Variants in C12orf56 observed in about 807,000 individuals in gnomAD.
C12orf56 encodes chromosome 12 open reading frame 56.
A neutral mutation model predicts 69.9 loss-of-function variants in C12orf56; 71 were observed. The observed-to-expected ratio is 1.02, with a 90% CI of 0.84 to 1.24. C12orf56 has a LOEUF of 1.24. C12orf56 is among the 50% of genes most tolerant of loss of function. The pLI, the probability that C12orf56 is intolerant of heterozygous loss-of-function variation, is 0.00. For missense variants in C12orf56, 732 were observed against 738.5 expected (o/e 0.99, Z 0.10); for synonymous variants, 276 against 274.1 (o/e 1.01, Z -0.07).
intron 2 of C12orf56, among the ~76,000 whole-genome samples, chr12:64,342,737 T>G (rs1255556448): frequency 3.9e-5 from 6 of 152,166 alleles, no homozygotes; most frequent in African/African-American, 1.4e-4. Context: ...AAACGTTCAG[T>G]TTCCACCAAA....
At chr12:64,293,506 A>G (rs1197404700) in intron 6 of C12orf56, 1 of 152,212 alleles carries the variant, frequency 6.6e-6, no homozygotes, top group East Asian at 1.9e-4. Context: ...TTTGTCTTTC[A>G]AATGGGTTAA....
At chr12:64,345,449 G>A (rs1252482829) in intron 2 of C12orf56, among the ~76,000 whole-genome samples, 1 of 152,204 alleles carries the variant, frequency 6.6e-6, no homozygotes, top group Non-Finnish European at 1.5e-5. Flanking sequence ...TACAAACTCA[G>A]TGTCCCCAAC....
chr12:64,284,022 C>T (rs569876911), intron 8 of C12orf56, among the ~76,000 whole-genome samples: 218 of 151,868 alleles, frequency 1.4e-3, no homozygotes, highest in African/African-American at 5.0e-3. Flanking sequence ...CTCAGCCTCC[C>T]GAGTAGCTGG....
chr12:64,310,244 C>T (rs2038589573), intron 5 of C12orf56, among the ~76,000 whole-genome samples: 1 of 151,496 alleles, frequency 6.6e-6, no homozygotes, highest in Non-Finnish European at 1.5e-5. Flanking sequence ...TGGGCTCAAG[C>T]GATCCTCCCA....
At chr12:64,350,040 C>T (rs1291163042) in intron 2 of C12orf56, among the ~76,000 whole-genome samples, 2 of 148,056 alleles carry the variant, frequency 1.4e-5, no homozygotes, top group African/African-American at 5.0e-5. Context: ...TGCAGTGAGC[C>T]AAGATCATGC....
rs1162821075 is a variant in C12orf56 at position 64,390,509 on chromosome 12, C to T, written c.57G>A (p.Val19=). Residue 19 remains valine, a synonymous_variant, in exon 1 of 13, where the codon GTG becomes GTA. Coordinates refer to ENST00000543942, the MANE Select transcript of C12orf56 (RefSeq NM_001170633.2). ...CGGGCGGCAGATGCCGCCGCAGGAA[C>T]ACATCCAGGCGGCTGTTCCTGCGCG... ...FPARRNSRLD[V]FLRRHLPPEV... The T allele has an allele frequency of 6.3e-7, 1 of 1,599,936 alleles. No homozygotes were observed. Among genetic ancestry groups the T allele is most frequent in the Non-Finnish European group, 8.5e-7 (1 of 1,179,232 alleles).
intron 1 of C12orf56, among the ~76,000 whole-genome samples, chr12:64,370,373 G>A (rs867117671): frequency 7.5e-4 from 114 of 151,348 alleles, no homozygotes; most frequent in African/African-American, 2.5e-3. Context: ...AAGATAGGCC[G>A]GTTGCGGTGA....
chr12:64,312,535 G>A, intron 5 of C12orf56, 144 bp downstream of exon 5: 1 of 571,332 alleles, frequency 1.8e-6, no homozygotes, highest in Non-Finnish European at 3.1e-6. Flanking sequence ...CTTGAGCCCA[G>A]GAGGTAGAGG....
chr12:64,304,157 T>C (rs1184444032), intron 5 of C12orf56, among the ~76,000 whole-genome samples: 2 of 152,184 alleles, frequency 1.3e-5, no homozygotes, highest in Admixed American at 1.3e-4. Context: ...TGTGTCACTT[T>C]CCAGGGAAAA....
chr12:64,311,708 T>A (rs144789834), intron 5 of C12orf56, among the ~76,000 whole-genome samples: 135 of 152,248 alleles, frequency 8.9e-4, no homozygotes, highest in African/African-American at 3.2e-3. Context: ...ACACAATGCT[T>A]GAGGAAAGAA....
At chr12:64,364,170 G>A (rs1219623063) in intron 1 of C12orf56, among the ~76,000 whole-genome samples, 2 of 151,984 alleles carry the variant, frequency 1.3e-5, no homozygotes, top group South Asian at 2.1e-4. Context: ...AAAATTAGGC[G>A]GGTGTGATGG....
At chr12:64,381,410 C>T (rs927723522) in intron 1 of C12orf56, among the ~76,000 whole-genome samples, 3 of 152,156 alleles carry the variant, frequency 2.0e-5, no homozygotes, top group Non-Finnish European at 4.4e-5. Flanking sequence ...TCTCCTAAAC[C>T]ATAATTTCTA....
At chr12:64,387,393 T>C (rs894532247) in intron 1 of C12orf56, among the ~76,000 whole-genome samples, 2 of 152,228 alleles carry the variant, frequency 1.3e-5, no homozygotes, top group Non-Finnish European at 2.9e-5. Context: ...ACACATTCTT[T>C]ATGCCTGAAA....
chr12:64,384,238 C>T (rs1170524364), intron 1 of C12orf56, among the ~76,000 whole-genome samples: 2 of 152,192 alleles, frequency 1.3e-5, no homozygotes, highest in Non-Finnish European at 1.5e-5. Flanking sequence ...TAGGTACTTA[C>T]GCTATTCCAC....
intron 1 of C12orf56, among the ~76,000 whole-genome samples, chr12:64,364,003 C>CTT (rs1165199916): frequency 1.4e-5 from 2 of 145,074 alleles, no homozygotes; most frequent in African/African-American, 2.5e-5. Flanking sequence ...TTTTTTCTTT[C>CTT]TTTTTTTTTT....
intron 12 of C12orf56, among the ~76,000 whole-genome samples, chr12:64,269,840 C>T (rs1288744858): frequency 6.6e-6 from 1 of 152,032 alleles, no homozygotes; most frequent in Non-Finnish European, 1.5e-5. Flanking sequence ...CTGCCCGGCT[C>T]AGCCTCCCAC....
intron 1 of C12orf56, among the ~76,000 whole-genome samples, chr12:64,363,129 G>A (rs747917272): frequency 1.3e-4 from 20 of 152,046 alleles, no homozygotes; most frequent in Non-Finnish European, 2.2e-4. Context: ...CTCATTTTAC[G>A]CAACTCCTAT....
In C12orf56 at chr12:64,330,987, G is replaced by C. The variant is rs866527509; in HGVS notation, c.461C>G (p.Ser154Cys). The change falls in exon 3 of 13, where the codon TCC (serine) becomes TGC (cysteine). Residue 154 changes from serine (S) to cysteine (C), a missense_variant. Transcript: ENST00000543942. Reference sequence around the variant, plus strand: ...GAGAGGAGATTCTTTCAGACTTCTGGACTCTTTGCTTCTCCAAAAGGCAAG... The same window carrying C: ...GAGAGGAGATTCTTTCAGACTTCTGCACTCTTTGCTTCTCCAAAAGGCAAG... ...NGLAFWRSKE[S>C]RSLKESPLRD... 6.4e-7 allele frequency: 1 copy of C among 1,556,754 alleles called. No homozygotes were observed. Among genetic ancestry groups the C allele is most frequent in the Non-Finnish European group, 8.7e-7 (1 of 1,149,502 alleles).
At chr12:64,380,049 G>A (rs749333705) in intron 1 of C12orf56, among the ~76,000 whole-genome samples, 1 of 137,062 alleles carries the variant, frequency 7.3e-6, no homozygotes, top group Non-Finnish European at 1.5e-5. Flanking sequence ...AGCTTGCAGT[G>A]AGCCGAGATC....
Sources: allele counts gnomAD v4.1 joint callset (sites outside exome capture counted in the v4.1 genomes callset), GRCh38; gene constraint gnomAD v4.1.1; transcripts MANE v1.5; gene names NCBI Gene and HGNC (gene_info 2026-07-23, HGNC 2026-07-21).